The following KAZN variants were observed in gnomAD, a reference collection of about 807,000 sequenced individuals.
KAZN encodes the protein kazrin.
A neutral mutation model predicts 87.4 loss-of-function variants in KAZN; 40 were observed. The ratio of observed to expected loss-of-function variants is 0.46; its 90% CI spans 0.36 to 0.60. KAZN has a LOEUF of 0.60. Ranked by LOEUF, KAZN falls within the 20% of genes least tolerant of loss-of-function variation. The pLI, the probability that KAZN is intolerant of heterozygous loss-of-function variation, is 0.00. For missense variants in KAZN, 898 were observed against 1,073.9 expected (o/e 0.84, Z 2.29); for synonymous variants, 466 against 458.3 (o/e 1.02, Z -0.22).
At chr1:14,665,507 G>A (rs964230300) in intron 1 of KAZN, among the ~76,000 whole-genome samples, 5 of 151,940 alleles carry the variant, frequency 3.3e-5, no homozygotes, top group South Asian at 2.1e-4. Flanking sequence ...GAAGCCTGAC[G>A]TCACCAGAGT....
At chr1:14,780,674 T>C (rs190791792) in intron 1 of KAZN, among the ~76,000 whole-genome samples, 4,525 of 152,170 alleles carry the variant, frequency 0.03, 224 homozygotes, top group African/African-American at 0.1. Flanking sequence ...AGGCTACAGA[T>C]GAAACAGAAT....
chr1:14,082,447 G>C (rs940573635), intron 1 of KAZN, among the ~76,000 whole-genome samples: 2 of 152,168 alleles, frequency 1.3e-5, no homozygotes, highest in Admixed American at 6.5e-5. Flanking sequence ...ACAAGGGCCA[G>C]GCCTGTAGTA....
At chr1:14,312,427 G>A (rs575341138) in intron 2 of KAZN, among the ~76,000 whole-genome samples, 1 of 152,180 alleles carries the variant, frequency 6.6e-6, no homozygotes, top group East Asian at 1.9e-4. Context: ...CTAGGAAATA[G>A]GTAATATTAT....
chr1:14,045,859 C>T (rs925115415), intron 1 of KAZN, among the ~76,000 whole-genome samples: 10 of 152,124 alleles, frequency 6.6e-5, no homozygotes, highest in Non-Finnish European at 2.9e-5. Context: ...AACCATTACT[C>T]CTGTACTACC....
intron 2 of KAZN, chr1:14,180,616 C>T: frequency 1.3e-6 from 2 of 1,532,604 alleles, no homozygotes; most frequent in Non-Finnish European, 1.8e-6. Flanking sequence ...TACAGAAATT[C>T]TCTATGGAGA....
At chr1:14,916,827 T>G (rs1282881253) in intron 1 of KAZN, among the ~76,000 whole-genome samples, 2 of 152,018 alleles carry the variant, frequency 1.3e-5, no homozygotes, top group Non-Finnish European at 2.9e-5. Flanking sequence ...GGCAGAAGGA[T>G]TGCTTGAGCC....
chr1:14,042,241 C>T (rs1641869717), intron 1 of KAZN, among the ~76,000 whole-genome samples: 1 of 151,980 alleles, frequency 6.6e-6, no homozygotes, highest in South Asian at 2.1e-4. Flanking sequence ...TTTACAGAAC[C>T]TGCTGCTCTT....
intron 1 of KAZN, among the ~76,000 whole-genome samples, chr1:14,958,836 G>A (rs1159708434): frequency 2.0e-5 from 3 of 152,240 alleles, no homozygotes; most frequent in Admixed American, 6.5e-5. Flanking sequence ...GGAAGGCAGT[G>A]TGGGGAGGGG....
At chr1:14,924,370 G>T in intron 1 of KAZN, 1 of 989,522 alleles carries the variant, frequency 1.0e-6, no homozygotes, top group South Asian at 4.5e-5. Flanking sequence ...CCGGCATGCG[G>T]GCGGCCGACT....
chr1:14,092,944 T>G (rs530684804), intron 1 of KAZN, among the ~76,000 whole-genome samples: 2 of 152,332 alleles, frequency 1.3e-5, no homozygotes, highest in African/African-American at 4.8e-5. Context: ...GGTTCAGTAT[T>G]GGCTATGCAT....
chr1:14,299,764 A>G (rs1207311349), intron 2 of KAZN, among the ~76,000 whole-genome samples: 2 of 152,228 alleles, frequency 1.3e-5, no homozygotes, highest in African/African-American at 2.4e-5. Context: ...AGACCCAGTC[A>G]TCTGAACACA....
intron 1 of KAZN, among the ~76,000 whole-genome samples, chr1:13,946,199 T>C (rs1160733597): frequency 1.3e-5 from 2 of 152,220 alleles, no homozygotes; most frequent in Non-Finnish European, 2.9e-5. Flanking sequence ...ATGATTTAAG[T>C]GCCTTTATTC....
intron 2 of KAZN, among the ~76,000 whole-genome samples, chr1:14,430,340 T>A (rs1213888790): frequency 6.6e-6 from 1 of 152,012 alleles, no homozygotes; most frequent in Non-Finnish European, 1.5e-5. Flanking sequence ...AGATGAGAAG[T>A]TCCTCCAGAT....
At chr1:14,464,603 A>T (rs1043585054) in intron 2 of KAZN, among the ~76,000 whole-genome samples, 1 of 150,452 alleles carries the variant, frequency 6.6e-6, no homozygotes, top group African/African-American at 2.5e-5. Context: ...CAGTGGCGTG[A>T]TTTCAGCTCA....
intron 3 of KAZN, among the ~76,000 whole-genome samples, chr1:15,036,769 C>CA (rs1292353660): frequency 2.0e-5 from 3 of 152,158 alleles, no homozygotes; most frequent in African/African-American, 7.2e-5. Flanking sequence ...TGTGTGCTCA[C>CA]AGGGGCGTGC....
intron 1 of KAZN, among the ~76,000 whole-genome samples, chr1:14,858,890 A>C (rs1370969584): frequency 1.3e-5 from 2 of 152,164 alleles, no homozygotes; most frequent in African/African-American, 4.8e-5. Context: ...CATCTCGTGA[A>C]GATCCATGAG....
Position 14,599,081 on chromosome 1 carries a change from C to A in KAZN, c.84C>A (p.Ala28=). ...GCCAGGAGGTGACCAACCTGCGAGCCGAACTCACGGCCACCAACCGGAGAC... is the reference window on the plus strand; with the variant it reads ...GCCAGGAGGTGACCAACCTGCGAGCAGAACTCACGGCCACCAACCGGAGAC... The part of the protein sequence containing the change: ...SASQEVTNLR[A]ELTATNRRLA... The change falls in exon 1 of 15, where the codon GCC becomes GCA. Residue 28 remains alanine (A), a synonymous_variant. Transcript: ENST00000376030. This position sits in a 1 kb window ranked among gnomAD's most constrained non-coding sequence, Gnocchi z 4.4. 6.4e-7 allele frequency: 1 copy of A among 1,560,672 alleles called. No homozygotes were observed. Among genetic ancestry groups the A allele is most frequent in the Non-Finnish European group, 8.6e-7 (1 of 1,158,168 alleles).
At chr1:14,546,831 C>G (rs1430090425) in intron 2 of KAZN, among the ~76,000 whole-genome samples, 5 of 152,176 alleles carry the variant, frequency 3.3e-5, no homozygotes, top group Non-Finnish European at 7.4e-5. Flanking sequence ...AAAGAAGCAT[C>G]TTTCTTGCTG....
chr1:14,383,632 G>A (rs1661577264), intron 2 of KAZN, among the ~76,000 whole-genome samples: 1 of 151,960 alleles, frequency 6.6e-6, no homozygotes, highest in South Asian at 2.1e-4. Flanking sequence ...TTGTAGATAT[G>A]CGGCATTATT....
Sources: allele counts gnomAD v4.1 joint callset (sites outside exome capture counted in the v4.1 genomes callset), GRCh38; gene constraint gnomAD v4.1.1; non-coding constraint Gnocchi (gnomAD v3.1); transcripts MANE v1.5; gene names NCBI Gene and HGNC (gene_info 2026-07-23, HGNC 2026-07-21).